The following MAP3K2 variants were observed in gnomAD, a reference collection of about 807,000 sequenced individuals.
MAP3K2 encodes mitogen-activated protein kinase kinase kinase 2.
In MAP3K2, 24 loss-of-function variants were observed where a neutral mutation model predicts 80.3. The observed-to-expected ratio is 0.30, with a 90% CI of 0.22 to 0.42. MAP3K2 has a LOEUF of 0.42. MAP3K2 is among the 10% of genes least tolerant of loss of function. The pLI, the probability that MAP3K2 is intolerant of heterozygous loss-of-function variation, is 1.00. For missense variants in MAP3K2, 608 were observed against 750.1 expected (o/e 0.81, Z 2.21); for synonymous variants, 244 against 253.7 (o/e 0.96, Z 0.36).
rs1485843536 is a variant in MAP3K2 at position 127,302,041 on chromosome 2, T to C, written c.*5538A>G. 1 of 152,194 alleles carries C rather than the reference T, an allele frequency of 6.6e-6. No homozygotes were observed. The highest frequency in any genetic ancestry group is 6.5e-5 in the Admixed American group (1 of 15,284). The allele number at this position is 152,194 out of a possible 1,614,324, so 9.4% of individuals were successfully genotyped here. On this transcript the variant is annotated 3_prime_UTR_variant, in exon 17 of 17. Coordinates refer to ENST00000682094, the MANE Select transcript of MAP3K2 (RefSeq NM_001371910.2). The stretch of plus-strand genomic sequence containing the variant: ...CTTCCCCTAGCCAACCAAAAAGAGG[T>C]ACAAGAGAATTTCCTTGTGAATACT...
Position 127,301,128 on chromosome 2 carries a change from T to C in MAP3K2, c.*6451A>G, listed in dbSNP as rs999688059. 3 of 152,236 alleles carry C rather than the reference T, an allele frequency of 2.0e-5. No individual in the cohort carries two copies. The highest frequency in any genetic ancestry group is 2.1e-4 in the South Asian group (1 of 4,836). The allele number at this position is 152,236 out of a possible 1,614,324, so 9.4% of individuals were successfully genotyped here. The stretch of plus-strand genomic sequence containing the variant: ...TATTTGGGGACAAGTCCTGTACATA[T>C]AGTAGAAGCAGATACTTCCTTATGT... On this transcript the variant is annotated 3_prime_UTR_variant, in exon 17 of 17. Transcript: ENST00000682094.
Position 127,387,892 on chromosome 2 carries a change from C to T in MAP3K2, c.-506G>A, listed in dbSNP as rs1310643422. ...CCGCGGGCCGTGCAACCCCCGAACG[C>T]TGCGCCCAGCGGCCGCGGCACCCTC... On this transcript the variant is annotated 5_prime_UTR_variant, in exon 1 of 17. Transcript: ENST00000682094. 1 of 982,168 alleles carries T rather than the reference C, an allele frequency of 1.0e-6. No individual in the cohort carries two copies. Among genetic ancestry groups the T allele is most frequent in the Non-Finnish European group, 1.2e-6 (1 of 827,174 alleles). 60.8% of individuals were successfully genotyped at this position (982,168 alleles called of 1,614,324 possible). A position where few individuals can be genotyped will look rare whatever the true frequency, so the allele number is the denominator to read the frequency against.
intron 1 of MAP3K2, among the ~76,000 whole-genome samples, chr2:127,348,332 G>A (rs1401636751): frequency 6.6e-6 from 1 of 152,082 alleles, no homozygotes; most frequent in Non-Finnish European, 1.5e-5. Flanking sequence ...ATGTTGCAGT[G>A]AGCCCACATT....
chr2:127,377,871 G>A (rs532293636), intron 1 of MAP3K2, among the ~76,000 whole-genome samples: 1 of 152,258 alleles, frequency 6.6e-6, no homozygotes, highest in Admixed American at 6.5e-5. Context: ...GGACTACCAA[G>A]ATAATACAGA....
Position 127,310,004 on chromosome 2 carries a change from T to C in MAP3K2, c.1457-1242A>G, listed in dbSNP as rs563154713. Among the ~76,000 whole-genome samples the C allele has an allele frequency of 2.0e-5, 3 of 152,252 alleles. No individual in the cohort carries two copies. The South Asian group carries it at 6.2e-4, about 32-fold the overall frequency. On this transcript the variant is annotated intron_variant, in intron 15 of 16. Coordinates refer to ENST00000682094, the MANE Select transcript of MAP3K2 (RefSeq NM_001371910.2). This position sits in a 1 kb window ranked among gnomAD's most constrained non-coding sequence, Gnocchi z 4.8. ...CCAGGCTGAGTAGCTACATAAATTA[T>C]TTGGAGTTATGCTGCAGAAGAGATT...
chr2:127,336,352 C>G (rs1189580641), intron 4 of MAP3K2, among the ~76,000 whole-genome samples: 1 of 152,160 alleles, frequency 6.6e-6, no homozygotes, highest in Non-Finnish European at 1.5e-5. Context: ...TAAAGTTGTT[C>G]TCCAGGGATT....
chr2:127,334,055 G>A (rs981196195), intron 5 of MAP3K2, among the ~76,000 whole-genome samples: 1 of 152,072 alleles, frequency 6.6e-6, no homozygotes, highest in South Asian at 2.1e-4. Context: ...AGGTGAGATC[G>A]GGCCACTGCA....
chr2:127,362,384 T>C (rs1011504543), intron 1 of MAP3K2, among the ~76,000 whole-genome samples: 3 of 152,268 alleles, frequency 2.0e-5, no homozygotes, highest in African/African-American at 4.8e-5. Flanking sequence ...GTAGTAATTA[T>C]GCAAATGTTT....
chr2:127,303,747 T>C lies in MAP3K2; in HGVS notation c.*3832A>G, dbSNP rs550281130. Reference sequence around the variant, plus strand: ...ATTCATTCTATTAAAAAAGATAGATTTGTATATTTAATTGACACCAGGTGA... The same window carrying C: ...ATTCATTCTATTAAAAAAGATAGATCTGTATATTTAATTGACACCAGGTGA... On this transcript the variant is annotated 3_prime_UTR_variant, in exon 17 of 17. Coordinates refer to ENST00000682094, the MANE Select transcript of MAP3K2 (RefSeq NM_001371910.2). 6.6e-6 allele frequency: 1 copy of C among 152,214 alleles called. No homozygotes were observed. Among genetic ancestry groups the C allele is most frequent in the East Asian group, 1.9e-4 (1 of 5,178 alleles). The allele number at this position is 152,214 out of a possible 1,614,324, so 9.4% of individuals were successfully genotyped here.
chr2:127,365,250 C>A (rs1022101923), intron 1 of MAP3K2, among the ~76,000 whole-genome samples: 1 of 150,366 alleles, frequency 6.7e-6, no homozygotes, highest in African/African-American at 2.4e-5. Flanking sequence ...TTATCATTTC[C>A]CTGTTTCACA....
intron 1 of MAP3K2, among the ~76,000 whole-genome samples, chr2:127,375,427 T>C (rs74349466): frequency 1.3e-5 from 2 of 151,670 alleles, no homozygotes; most frequent in African/African-American, 4.8e-5. Context: ...TATTTTTTTT[T>C]TGAGACAGAG....
At chr2:127,333,631 TG>T (rs1342043056) in intron 5 of MAP3K2, among the ~76,000 whole-genome samples, 7 of 152,174 alleles carry the variant, frequency 4.6e-5, no homozygotes, top group Admixed American at 3.9e-4. Flanking sequence ...ATCTCAGGGT[TG>T]CAAGAAATCT....
chr2:127,356,264 A>G (rs1686796174), intron 1 of MAP3K2, among the ~76,000 whole-genome samples: 1 of 152,098 alleles, frequency 6.6e-6, no homozygotes, highest in Admixed American at 6.5e-5. Flanking sequence ...AAGGTTTTCA[A>G]TTTACTTTGA....
At chr2:127,325,846 A>G in intron 8 of MAP3K2, 39 bp from the exon 9 acceptor site, 1 of 1,441,116 alleles carries the variant, frequency 6.9e-7, no homozygotes, top group African/African-American at 1.4e-5. Context: ...TCAATTTGAT[A>G]TAACCAAAAG....
intron 2 of MAP3K2, among the ~76,000 whole-genome samples, chr2:127,341,017 T>C (rs898536666): frequency 1.3e-5 from 2 of 152,166 alleles, no homozygotes; most frequent in South Asian, 4.2e-4. Context: ...GGAGATGGAT[T>C]CTCGCTCTAT....
intron 5 of MAP3K2, among the ~76,000 whole-genome samples, chr2:127,335,349 T>C (rs1686344172): frequency 2.0e-5 from 3 of 152,234 alleles, no homozygotes; most frequent in African/African-American, 7.2e-5. Flanking sequence ...CAGAGATCAC[T>C]GAATCCAATC....
rs1454462153 is a variant in MAP3K2 at position 127,307,667 on chromosome 2, C to T, written c.1772G>A (p.Arg591Gln). ...KLPPHVSDYT[R>Q]DFLKRIFVEA... ...TACAAAAATCCGTTTGAGGAAATCT[C>T]GAGTATAGTCTGAGACATGAGGTGG... The change falls in exon 17 of 17, where the codon CGA becomes CAA. Residue 591 changes from arginine (R) to glutamine (Q), a missense_variant. By Grantham distance (43) the Arg-to-Gln change is conservative. Coordinates refer to ENST00000682094, the MANE Select transcript of MAP3K2 (RefSeq NM_001371910.2). The surrounding 1 kb of genome is among the most constrained non-coding windows in gnomAD (Gnocchi z 5.4). 2 of 1,592,842 alleles carry T rather than the reference C, an allele frequency of 1.3e-6. No homozygotes were observed. Among genetic ancestry groups the T allele is most frequent in the Non-Finnish European group, 8.6e-7 (1 of 1,168,886 alleles).
In MAP3K2 at chr2:127,330,022, A is replaced by G. The variant is rs758770052; in HGVS notation, c.379-14T>C. 6.2e-6 allele frequency: 9 copies of G among 1,457,740 alleles called. No individual in the cohort carries two copies. Among genetic ancestry groups the G allele is most frequent in the Non-Finnish European group, 8.7e-6 (9 of 1,039,758 alleles). The allele number at this position is 1,457,740 out of a possible 1,614,324, so 90.3% of individuals were successfully genotyped here. ...TAAATTAGTAGCCTACAAAGGAGAA[A>G]AGACAGTTAATGCTATTCTTCCTCC... On this transcript the variant is annotated splice_polypyrimidine_tract_variant and intron_variant, in intron 6 of 16. Coordinates refer to ENST00000682094, the MANE Select transcript of MAP3K2 (RefSeq NM_001371910.2).
In MAP3K2 at chr2:127,387,667, C is replaced by A. The variant is rs1377020329; in HGVS notation, c.-281G>T. 13 of 984,926 alleles carry A rather than the reference C, an allele frequency of 1.3e-5. No homozygotes were observed. Among genetic ancestry groups the A allele is most frequent in the Non-Finnish European group, 1.6e-5 (13 of 829,824 alleles). The allele number at this position is 984,926 out of a possible 1,614,324, so 61.0% of individuals were successfully genotyped here. A position where few individuals can be genotyped will look rare whatever the true frequency, so the allele number is the denominator to read the frequency against. ...ATGAAGCCCGGGCCGGGCGGGGTGG[C>A]GGGCGCGTGAATCCTCGCAGCCGGC... On this transcript the variant is annotated 5_prime_UTR_variant, in exon 1 of 17. Transcript: ENST00000682094.
Sources: gnomAD v4.1 joint callset for allele counts (sites outside exome capture counted in the v4.1 genomes callset) on GRCh38, gnomAD v4.1.1 for gene constraint, Gnocchi (gnomAD v3.1) non-coding constraint, MANE v1.5 for transcripts, NCBI Gene and HGNC (gene_info 2026-07-23, HGNC 2026-07-21) for gene names.